HERC4: variants seen among roughly 807,000 people sequenced by gnomAD.
HERC4 encodes probable E3 ubiquitin-protein ligase HERC4.
Under a neutral mutation model 124.3 loss-of-function variants are expected in HERC4, and 28 were observed. The ratio of observed to expected loss-of-function variants is 0.23; its 90% confidence interval spans 0.17 to 0.31. HERC4 has a LOEUF of 0.31. HERC4 is among the 10% of genes least tolerant of loss of function. The probability of loss-of-function intolerance (pLI) is 1.00; values close to 1 mark genes in which losing one functional copy is unlikely to be tolerated. For missense variants in HERC4, 713 were observed against 1,229.3 expected (o/e 0.58, Z 6.28); for synonymous variants, 407 against 421.5 (o/e 0.97, Z 0.42).
At chr10:68,010,902 T>G in intron 9 of HERC4, 1 of 1,366,778 alleles carries the variant, frequency 7.3e-7, no homozygotes, top group Non-Finnish European at 1.0e-6. Flanking sequence ...TTTTTTATCC[T>G]AAGATTGCAG....
At position 67,991,416 on chromosome 10, in the gene HERC4, A is replaced by C. The variant is rs57998331; in HGVS notation, c.1272-217T>G. On this transcript the variant is annotated intron_variant, in intron 11 of 24. Transcript: ENST00000373700. ...TACTGTTTATTCTAGACTTTCTTAA[A>C]TATTACTTTCATCCATTTATCCAAT... 1.3e-4 allele frequency among the ~76,000 whole-genome samples: 20 copies of C among 152,298 alleles called. No individual in the cohort carries two copies. The East Asian group carries it at 3.9e-3, about 29-fold the overall frequency.
intron 7 of HERC4, 115 bp from the exon 8 acceptor site, chr10:68,025,791 C>A: frequency 1.0e-6 from 1 of 996,082 alleles, no homozygotes; most frequent in East Asian, 2.7e-5. Flanking sequence ...CTTCTAAGAA[C>A]TGTCTTCACA....
chr10:67,992,454 T>C (rs1367471544), intron 10 of HERC4, 131 bp from the exon 11 acceptor site: 1 of 1,251,030 alleles, frequency 8.0e-7, no homozygotes, highest in Non-Finnish European at 1.1e-6. Flanking sequence ...CAAAAACCTA[T>C]CAAATAGATC....
rs1564606893 is a variant in HERC4 at position 68,059,481 on chromosome 10, T to TA, written c.226+13401_226+13402insT. 3.8e-5 allele frequency among the ~76,000 whole-genome samples: 5 copies of TA among 130,488 alleles called. No homozygotes were observed. In the East Asian group the frequency reaches 6.3e-4, roughly 16 times the overall value. 85.6% of individuals were successfully genotyped at this position (130,488 alleles called of 152,430 possible). A position where few individuals can be genotyped will look rare whatever the true frequency, so the allele number is the denominator to read the frequency against. On this transcript the variant is annotated intron_variant, in intron 3 of 24. Coordinates refer to ENST00000373700, the MANE Select transcript of HERC4 (RefSeq NM_015601.4). ...TATAATAATATTATATATTATAATATTATATATTATAACATTATATATTAT... is the reference window on the plus strand; with the variant it reads ...TATAATAATATTATATATTATAATATATATATATTATAACATTATATATTAT...
chr10:68,027,982 A>T (rs2038990909), intron 7 of HERC4, among the ~76,000 whole-genome samples: 1 of 141,334 alleles, frequency 7.1e-6, no homozygotes, highest in African/African-American at 2.8e-5. Flanking sequence ...TATTTATTAT[A>T]TTTTTAATTA....
chr10:67,999,118 T>C lies in HERC4; in HGVS notation c.1070-6436A>G, dbSNP rs1178945116. Among the ~76,000 whole-genome samples the C allele has an allele frequency of 2.0e-5, 3 of 152,334 alleles. No homozygotes were observed. The East Asian group carries it at 5.8e-4, about 29-fold the overall frequency. ...TGCTGGTTCTTTTGATATTCTTGTG[T>C]ATACCTGGTATGTTAGATCTCAAGA... is the stretch of plus-strand genomic sequence containing the variant. On this transcript the variant is annotated intron_variant, in intron 9 of 24. Transcript: ENST00000373700.
intron 23 of HERC4, among the ~76,000 whole-genome samples, chr10:67,926,280 G>A (rs1401175081): frequency 3.3e-5 from 5 of 151,940 alleles, no homozygotes; most frequent in African/African-American, 9.6e-5. Context: ...CTGTAATCCC[G>A]GCTACTTGGG....
intron 1 of HERC4, chr10:68,074,197 A>G (rs1424403617): frequency 6.6e-6 from 1 of 152,236 alleles, no homozygotes; most frequent in African/African-American, 2.4e-5. Flanking sequence ...CTTCATCTAT[A>G]CATACGTAGA....
At chr10:67,970,861 A>G (rs1021518366) in intron 15 of HERC4, among the ~76,000 whole-genome samples, 5 of 151,270 alleles carry the variant, frequency 3.3e-5, no homozygotes, top group African/African-American at 4.9e-5. Context: ...AAGAATCTAG[A>G]AAAAAAAAGA....
intron 8 of HERC4, among the ~76,000 whole-genome samples, chr10:68,019,158 G>C (rs548242605): frequency 6.6e-6 from 1 of 151,640 alleles, no homozygotes; most frequent in African/African-American, 2.4e-5. Context: ...CACCACGCCC[G>C]ACTAATTTTG....
chr10:68,018,504 T>C (rs1255508526), intron 8 of HERC4, among the ~76,000 whole-genome samples: 2 of 152,110 alleles, frequency 1.3e-5, no homozygotes, highest in Non-Finnish European at 2.9e-5. Flanking sequence ...AAACAGCACA[T>C]TAAAACAATT....
chr10:67,938,433 G>C (rs1224681001), intron 21 of HERC4, among the ~76,000 whole-genome samples: 1 of 141,830 alleles, frequency 7.1e-6, no homozygotes, highest in African/African-American at 2.9e-5. Flanking sequence ...GCAAGATTCT[G>C]TCTCAAAAAA....
chr10:67,975,392 T>A (rs924120383), intron 15 of HERC4, among the ~76,000 whole-genome samples: 3 of 152,004 alleles, frequency 2.0e-5, no homozygotes, highest in African/African-American at 7.2e-5. Context: ...GAAATATAAC[T>A]CATGCATTCT....
intron 7 of HERC4, among the ~76,000 whole-genome samples, chr10:68,026,302 C>T (rs1269851719): frequency 6.6e-6 from 1 of 152,012 alleles, no homozygotes; most frequent in African/African-American, 2.4e-5. Context: ...TCCTGTATTG[C>T]CCAGGCTGGT....
At chr10:68,011,054 G>A (rs2037922283) in intron 9 of HERC4, among the ~76,000 whole-genome samples, 1 of 152,072 alleles carries the variant, frequency 6.6e-6, no homozygotes, top group Non-Finnish European at 1.5e-5. Context: ...TCTTATTGTT[G>A]GTATTTTGAC....
At chr10:67,933,291 G>A (rs2032017715) in intron 22 of HERC4, among the ~76,000 whole-genome samples, 1 of 151,988 alleles carries the variant, frequency 6.6e-6, no homozygotes, top group South Asian at 2.1e-4. Flanking sequence ...ATTCTTTTAG[G>A]ATAATCATTA....
chr10:67,953,202 T>C (rs1403973093), intron 19 of HERC4, among the ~76,000 whole-genome samples: 2 of 152,162 alleles, frequency 1.3e-5, no homozygotes, highest in Admixed American at 6.5e-5. Context: ...TTTTATATTA[T>C]TGTAAAACTA....
At chr10:67,946,545 A>C (rs1009178288) in intron 19 of HERC4, among the ~76,000 whole-genome samples, 1 of 152,108 alleles carries the variant, frequency 6.6e-6, no homozygotes, top group East Asian at 1.9e-4. Flanking sequence ...GCAAGACAAA[A>C]ACTATAGAAG....
At chr10:67,978,481 T>G (rs2035733130) in intron 15 of HERC4, among the ~76,000 whole-genome samples, 1 of 151,888 alleles carries the variant, frequency 6.6e-6, no homozygotes, top group African/African-American at 2.4e-5. Flanking sequence ...CGTCTAAGGT[T>G]TTTCACTCTA....
Sources: allele counts gnomAD v4.1 joint callset (sites outside exome capture counted in the v4.1 genomes callset), GRCh38; gene constraint gnomAD v4.1.1; transcripts MANE v1.5; gene names NCBI Gene and HGNC (gene_info 2026-07-23, HGNC 2026-07-21).